Variants in CACNA2D3 observed in about 807,000 individuals in gnomAD.
CACNA2D3 encodes voltage-dependent calcium channel subunit alpha-2/delta-3.
Under a neutral mutation model 160.6 loss-of-function variants are expected in CACNA2D3, and 60 were observed. The ratio of observed to expected loss-of-function variants is 0.37; its 90% CI spans 0.30 to 0.46. The LOEUF (loss-of-function observed/expected upper bound fraction) is 0.46, where lower values mean the gene tolerates loss of function less well. CACNA2D3 is among the 20% of genes least tolerant of loss of function. CACNA2D3 has a pLI of 1.00. For synonymous variants in CACNA2D3, 558 were observed against 492.9 expected (o/e 1.13, Z -1.75); for missense variants, 1,205 against 1,365.0 (o/e 0.88, Z 1.85).
chr3:54,958,407 G>A (rs1163925141), intron 27 of CACNA2D3, among the ~76,000 whole-genome samples: 1 of 151,964 alleles, frequency 6.6e-6, no homozygotes, highest in African/African-American at 2.4e-5. Flanking sequence ...TTTTTAAAGA[G>A]TATTTTTAGG....
At chr3:54,753,998 G>A (rs192365134) in intron 12 of CACNA2D3, among the ~76,000 whole-genome samples, 2 of 152,268 alleles carry the variant, frequency 1.3e-5, no homozygotes, top group Admixed American at 6.5e-5. Flanking sequence ...CTGAAAGTTT[G>A]TATCCAGTTC....
intron 4 of CACNA2D3, among the ~76,000 whole-genome samples, chr3:54,495,111 C>A (rs1055165556): frequency 2.6e-5 from 4 of 152,194 alleles, no homozygotes; most frequent in African/African-American, 9.7e-5. Flanking sequence ...AGGGGTCCTT[C>A]CAATTGGCAT....
At chr3:54,518,039 G>A (rs1701582093) in intron 5 of CACNA2D3, among the ~76,000 whole-genome samples, 1 of 152,188 alleles carries the variant, frequency 6.6e-6, no homozygotes, top group African/African-American at 2.4e-5. Context: ...AAGCACAGTG[G>A]GCTCCCATAA....
intron 4 of CACNA2D3, among the ~76,000 whole-genome samples, chr3:54,428,955 T>C (rs909968195): frequency 1.3e-5 from 2 of 152,182 alleles, no homozygotes; most frequent in Non-Finnish European, 2.9e-5. Context: ...TTGACACTAG[T>C]AGAGATCAGA....
chr3:54,814,907 C>G (rs1183152951), intron 13 of CACNA2D3, among the ~76,000 whole-genome samples: 2 of 152,174 alleles, frequency 1.3e-5, no homozygotes, highest in African/African-American at 4.8e-5. Flanking sequence ...ATTTTGCAGT[C>G]CATCAAACAT....
chr3:54,827,169 T>C (rs1703766144), intron 14 of CACNA2D3, among the ~76,000 whole-genome samples: 1 of 152,228 alleles, frequency 6.6e-6, no homozygotes, highest in South Asian at 2.1e-4. Context: ...AGACCAAGAC[T>C]CAGATCTCTA....
intron 27 of CACNA2D3, among the ~76,000 whole-genome samples, chr3:54,947,934 T>A (rs980018458): frequency 3.3e-5 from 5 of 152,176 alleles, no homozygotes; most frequent in Non-Finnish European, 5.9e-5. Context: ...GGCCTCTGTC[T>A]CTTTGCTGCC....
At chr3:54,924,009 G>A (rs1700936942) in intron 27 of CACNA2D3, among the ~76,000 whole-genome samples, 1 of 152,216 alleles carries the variant, frequency 6.6e-6, no homozygotes, top group Non-Finnish European at 1.5e-5. Context: ...TGGGGCTGTA[G>A]TTTGCTAACC....
chr3:54,460,382 C>G (rs368327986), intron 4 of CACNA2D3, among the ~76,000 whole-genome samples: 1 of 152,214 alleles, frequency 6.6e-6, no homozygotes, highest in South Asian at 2.1e-4. Context: ...GCCATTTTCA[C>G]GATATTGATT....
intron 13 of CACNA2D3, among the ~76,000 whole-genome samples, chr3:54,775,675 A>T (rs564047353): frequency 1.6e-4 from 24 of 152,276 alleles, no homozygotes; most frequent in African/African-American, 5.1e-4. Flanking sequence ...AAATTGAGAA[A>T]GTTAGTATAG....
intron 4 of CACNA2D3, among the ~76,000 whole-genome samples, chr3:54,502,137 A>G (rs1287315601): frequency 6.6e-6 from 1 of 152,138 alleles, no homozygotes; most frequent in Admixed American, 6.5e-5. Context: ...CATTGTGTTC[A>G]GTGTTCTCTC....
intron 2 of CACNA2D3, among the ~76,000 whole-genome samples, chr3:54,280,780 A>G (rs561302806): frequency 3.0e-4 from 46 of 152,132 alleles, no homozygotes; most frequent in Non-Finnish European, 5.3e-4. Flanking sequence ...CCCTCTCGCC[A>G]TCACCTTTCT....
chr3:54,195,181 C>A (rs1701056392), intron 2 of CACNA2D3, among the ~76,000 whole-genome samples: 1 of 151,874 alleles, frequency 6.6e-6, no homozygotes, highest in Non-Finnish European at 1.5e-5. Flanking sequence ...TGGGTTAGGC[C>A]CAGGAATCAG....
At chr3:54,176,593 A>G (rs1700683464) in intron 2 of CACNA2D3, among the ~76,000 whole-genome samples, 1 of 152,218 alleles carries the variant, frequency 6.6e-6, no homozygotes, top group South Asian at 2.1e-4. Flanking sequence ...TCTGTTTCCC[A>G]CGTGAGTCTG....
chr3:54,789,456 G>A (rs771755040), intron 13 of CACNA2D3, among the ~76,000 whole-genome samples: 4 of 152,208 alleles, frequency 2.6e-5, no homozygotes, highest in African/African-American at 7.2e-5. Context: ...TCCTGACACC[G>A]TAAAGGTATG....
At chr3:54,413,607 CTT>C (rs1699707276) in intron 4 of CACNA2D3, among the ~76,000 whole-genome samples, 1 of 151,260 alleles carries the variant, frequency 6.6e-6, no homozygotes, top group Non-Finnish European at 1.5e-5. Flanking sequence ...CACTGTGGCT[CTT>C]TTCATTTGTT....
intron 3 of CACNA2D3, among the ~76,000 whole-genome samples, chr3:54,353,157 A>G (rs1341911745): frequency 6.6e-6 from 1 of 152,150 alleles, no homozygotes; most frequent in Non-Finnish European, 1.5e-5. Flanking sequence ...CCACTAGCCA[A>G]TTTGGTGGTT....
intron 14 of CACNA2D3, among the ~76,000 whole-genome samples, chr3:54,830,390 A>ACCGC (rs1221816331): frequency 2.0e-5 from 3 of 151,340 alleles, no homozygotes; most frequent in African/African-American, 7.3e-5. Context: ...ATTGTTGATA[A>ACCGC]CCGCCGGTCT....
intron 3 of CACNA2D3, among the ~76,000 whole-genome samples, chr3:54,353,545 G>A (rs114451620): frequency 0.06 from 9,119 of 152,054 alleles, 332 homozygotes; most frequent in Middle Eastern, 0.11. Flanking sequence ...CATCTCTAAA[G>A]CAAGGCATTC....
Sources: allele counts gnomAD v4.1 joint callset (sites outside exome capture counted in the v4.1 genomes callset), GRCh38; gene constraint gnomAD v4.1.1; transcripts MANE v1.5; gene names NCBI Gene and HGNC (gene_info 2026-07-23, HGNC 2026-07-21).